The following SLC36A1 variants were observed in gnomAD, a reference collection of about 807,000 sequenced individuals.
SLC36A1 encodes proton-coupled amino acid transporter 1.
SLC36A1 carries 30 observed loss-of-function variants against 47.5 expected under a neutral mutation model. The observed-to-expected ratio is 0.63, with a 90% CI of 0.47 to 0.86. SLC36A1 has a LOEUF of 0.86. SLC36A1 is among the 40% of genes least tolerant of loss of function. The probability of loss-of-function intolerance (pLI) is 0.00; values close to 1 mark genes in which losing one functional copy is unlikely to be tolerated. For synonymous variants in SLC36A1, 255 were observed against 249.7 expected, an observed-to-expected ratio of 1.02 and a Z score of -0.20; for missense variants, 517 against 606.0, an observed-to-expected ratio of 0.85 and a Z score of 1.54.
chr5:151,526,607 A>T, the SLC36A1 span, among the ~76,000 whole-genome samples: 2 of 152,356 alleles, frequency 1.3e-5, no homozygotes, highest in South Asian at 4.1e-4. Context: ...TTCTTATAAA[A>T]TCCTGCTTTG....
chr5:151,454,848 G>T (rs1318960688), intron 1 of SLC36A1, among the ~76,000 whole-genome samples: 1 of 152,036 alleles, frequency 6.6e-6, no homozygotes, highest in South Asian at 2.1e-4. Flanking sequence ...GAGTAGCTGG[G>T]ACTACAGGCG....
chr5:151,416,707 C>T, the SLC36A1 span, among the ~76,000 whole-genome samples: 8 of 152,140 alleles, frequency 5.3e-5, no homozygotes, highest in Non-Finnish European at 8.8e-5. Context: ...ACTTTAGCTA[C>T]CAGAATCTGT....
chr5:151,538,897 G>A, the SLC36A1 span, among the ~76,000 whole-genome samples: 7 of 151,836 alleles, frequency 4.6e-5, no homozygotes, highest in Admixed American at 1.3e-4. Flanking sequence ...TGTTGGCCAG[G>A]CTGGTCTCGA....
the SLC36A1 span, among the ~76,000 whole-genome samples, chr5:151,546,821 C>T: frequency 3.2e-3 from 489 of 152,094 alleles, 1 homozygote; most frequent in Middle Eastern, 0.031. Flanking sequence ...TGGGCTCAAG[C>T]GGTCCTCCAG....
At chr5:151,359,944 G>A in the SLC36A1 span, among the ~76,000 whole-genome samples, 1 of 152,086 alleles carries the variant, frequency 6.6e-6, no homozygotes. Context: ...TCTCTGGACG[G>A]TTTTTAGTTT....
the SLC36A1 span, chr5:151,544,951 G>C: frequency 1.2e-6 from 2 of 1,614,160 alleles, no homozygotes; most frequent in Admixed American, 1.7e-5. Flanking sequence ...ATCCTCAATA[G>C]AGACTCTGAC....
chr5:151,479,598 G>A (rs183514115), intron 10 of SLC36A1, 109 bp downstream of exon 10: 1 of 1,320,824 alleles, frequency 7.6e-7, no homozygotes, highest in East Asian at 2.3e-5. Context: ...GGCTATGTTT[G>A]TGACAGAGAA....
the SLC36A1 span, among the ~76,000 whole-genome samples, chr5:151,385,367 AG>A: frequency 1.5e-4 from 23 of 152,226 alleles, no homozygotes; most frequent in Admixed American, 1.5e-3. Flanking sequence ...CATGTCAGGC[AG>A]GGAGAGAAAG....
chr5:151,468,026 C>CG (rs1756709396), intron 7 of SLC36A1, 101 bp downstream of exon 7: 1 of 797,154 alleles, frequency 1.3e-6, no homozygotes, highest in Non-Finnish European at 2.0e-6. Context: ...GAGGTGGGGG[C>CG]GGGTGGATCA....
At chr5:151,521,975 C>A in the SLC36A1 span, 3 of 1,614,226 alleles carry the variant, frequency 1.9e-6, no homozygotes, top group Non-Finnish European at 2.5e-6. Context: ...TCCTCTCCAA[C>A]AGTGATGAAG....
chr5:151,553,959 A>G, the SLC36A1 span, among the ~76,000 whole-genome samples: 2 of 152,236 alleles, frequency 1.3e-5, no homozygotes, highest in African/African-American at 4.8e-5. Context: ...CCCATGCGCT[A>G]GCTACCTGAT....
the SLC36A1 span, among the ~76,000 whole-genome samples, chr5:151,425,805 A>G: frequency 6.6e-6 from 1 of 152,212 alleles, no homozygotes. Flanking sequence ...AGAATAAGTG[A>G]TATTATACAT....
the SLC36A1 span, chr5:151,378,511 T>C: frequency 4.6e-6 from 1 of 218,826 alleles, no homozygotes; most frequent in Non-Finnish European, 9.9e-6. Flanking sequence ...GTGGGAAACA[T>C]AATAGGGGCA....
chr5:151,517,227 A>C, the SLC36A1 span, among the ~76,000 whole-genome samples: 2 of 152,248 alleles, frequency 1.3e-5, no homozygotes, highest in African/African-American at 4.8e-5. Flanking sequence ...ATTATTACAA[A>C]GGAAATTTAT....
At position 151,476,815 on chromosome 5, in the gene SLC36A1, C is replaced by A; in HGVS notation, c.989+59C>A. The A allele has an allele frequency of 2.5e-6, 4 of 1,585,958 alleles. No homozygotes were observed. The South Asian group carries it at 3.4e-5, about 13-fold the overall frequency. On this transcript the variant is annotated intron_variant, in intron 9 of 10. Transcript: ENST00000243389. ...TGGATATTTTTAAAAACTAATGGGT[C>A]ACAGTGTGGATTCTCCCTCTTACTT...
Position 151,479,409 on chromosome 5 carries a change from C to T in SLC36A1, c.1079C>T (p.Pro360Leu), listed in dbSNP as rs1561778540. Residue 360 changes from proline to leucine, a missense_variant, in exon 10 of 11, where the codon CCC becomes CTC. Physicochemically the swap from Pro to Leu is moderately conservative, Grantham distance 98. Coordinates refer to ENST00000243389, the MANE Select transcript of SLC36A1 (RefSeq NM_078483.4). Reference protein sequence around the residue: ...QFYVPAEIIIPFFVSRAPEHC... With the variant: ...QFYVPAEIIILFFVSRAPEHC... ...TACGTCCCGGCTGAGATCATCATCC[C>T]CTTCTTTGTGTCCCGAGCGCCCGAG... 1.2e-6 allele frequency: 2 copies of T among 1,614,224 alleles called. No individual in the cohort carries two copies. Among genetic ancestry groups the T allele is most frequent in the South Asian group, 1.1e-5 (1 of 91,084 alleles).
At chr5:151,406,962 G>C in the SLC36A1 span, among the ~76,000 whole-genome samples, 1 of 152,180 alleles carries the variant, frequency 6.6e-6, no homozygotes, top group Non-Finnish European at 1.5e-5. Context: ...TGGGTTCGTG[G>C]TCTTGCTGAC....
chr5:151,384,745 TTGTTA>T, the SLC36A1 span, among the ~76,000 whole-genome samples: 1 of 152,094 alleles, frequency 6.6e-6, no homozygotes, highest in Non-Finnish European at 1.5e-5. Flanking sequence ...AAAAAGCTCT[TTGTTA>T]TGTTGAGCTT....
the SLC36A1 span, among the ~76,000 whole-genome samples, chr5:151,391,814 T>C: frequency 6.6e-6 from 1 of 152,224 alleles, no homozygotes. Context: ...CAGTATTTTA[T>C]TGAGGATTTT....
Sources: allele counts gnomAD v4.1 joint callset (sites outside exome capture counted in the v4.1 genomes callset), GRCh38; gene constraint gnomAD v4.1.1; transcripts MANE v1.5; gene names NCBI Gene and HGNC (gene_info 2026-07-23, HGNC 2026-07-21).